Variants in NEGR1 observed in about 807,000 individuals in gnomAD.
The protein encoded by NEGR1 is neuronal growth regulator 1.
In NEGR1, 10 loss-of-function variants were observed where a neutral mutation model predicts 40.9. That is an observed-to-expected ratio of 0.24 (90% CI 0.15 to 0.42). NEGR1 has a LOEUF of 0.42. NEGR1 is among the 10% of genes least tolerant of loss of function. The probability of loss-of-function intolerance (pLI) is 1.00; values close to 1 mark genes in which losing one functional copy is unlikely to be tolerated. For synonymous variants in NEGR1, 185 were observed against 166.8 expected (o/e 1.11, Z -0.84); for missense variants, 352 against 438.9 (o/e 0.80, Z 1.77).
chr1:72,115,477 T>C (rs1649545873), intron 1 of NEGR1, among the ~76,000 whole-genome samples: 2 of 151,756 alleles, frequency 1.3e-5, no homozygotes, highest in Admixed American at 6.6e-5. Flanking sequence ...TCTGTAATCT[T>C]GTTAAGGCCA....
intron 1 of NEGR1, among the ~76,000 whole-genome samples, chr1:72,138,833 C>T (rs1283525771): frequency 1.3e-5 from 2 of 151,914 alleles, no homozygotes; most frequent in Admixed American, 1.3e-4. Flanking sequence ...ATGAAAAACT[C>T]TAACTCAACC....
intron 4 of NEGR1, among the ~76,000 whole-genome samples, chr1:71,665,371 AC>A (rs748161232): frequency 1.3e-5 from 2 of 152,154 alleles, no homozygotes; most frequent in Admixed American, 6.6e-5. Context: ...TATATGTTAA[AC>A]ATGGGGAAAT....
At chr1:71,977,660 C>A (rs1447789594) in intron 1 of NEGR1, among the ~76,000 whole-genome samples, 1 of 151,464 alleles carries the variant, frequency 6.6e-6, no homozygotes, top group East Asian at 1.9e-4. Flanking sequence ...GGAGAACACA[C>A]CAGCTTGCAT....
At chr1:72,179,219 T>C (rs1010324244) in intron 1 of NEGR1, among the ~76,000 whole-genome samples, 3 of 152,084 alleles carry the variant, frequency 2.0e-5, no homozygotes, top group African/African-American at 7.2e-5. Flanking sequence ...ATCCTGCATA[T>C]GGCTTAGTCA....
At chr1:72,012,992 A>G (rs560310085) in intron 1 of NEGR1, among the ~76,000 whole-genome samples, 39 of 151,812 alleles carry the variant, frequency 2.6e-4, no homozygotes, top group Middle Eastern at 3.4e-3. Context: ...AATAGGAGAT[A>G]TGGCATATAA....
At chr1:71,956,535 A>T (rs968190118) in intron 1 of NEGR1, among the ~76,000 whole-genome samples, 1 of 152,052 alleles carries the variant, frequency 6.6e-6, no homozygotes, top group Non-Finnish European at 1.5e-5. Context: ...AGAAATAAGT[A>T]ACCTGAGACA....
chr1:72,224,879 C>T (rs1654125229), intron 1 of NEGR1, among the ~76,000 whole-genome samples: 1 of 151,972 alleles, frequency 6.6e-6, no homozygotes, highest in African/African-American at 2.4e-5. Flanking sequence ...CAAAGATACG[C>T]ATAATTCTTA....
At chr1:71,955,182 G>C (rs1646109467) in intron 1 of NEGR1, among the ~76,000 whole-genome samples, 1 of 152,052 alleles carries the variant, frequency 6.6e-6, no homozygotes, top group Non-Finnish European at 1.5e-5. Context: ...GTGCTAGTAT[G>C]TTACACGGAG....
chr1:71,601,316 C>G (rs1649912396), intron 5 of NEGR1, among the ~76,000 whole-genome samples: 1 of 152,076 alleles, frequency 6.6e-6, no homozygotes, highest in South Asian at 2.1e-4. Context: ...GTCAAAAAAA[C>G]AACAGATGTT....
chr1:72,221,288 T>G (rs1328186814), intron 1 of NEGR1, among the ~76,000 whole-genome samples: 1 of 152,134 alleles, frequency 6.6e-6, no homozygotes, highest in Non-Finnish European at 1.5e-5. Context: ...CTTATCATAA[T>G]TTGATTACTG....
intron 2 of NEGR1, among the ~76,000 whole-genome samples, chr1:71,837,839 A>G (rs539925138): frequency 1.3e-5 from 2 of 152,242 alleles, no homozygotes; most frequent in Admixed American, 1.3e-4. Flanking sequence ...TAATTAGAAC[A>G]AATACTAAAA....
rs548487324 is a variant in NEGR1 at position 71,571,495 on chromosome 1, G to C, written c.940+21322C>G. ...GCAACAACAACAACATCACCAAAAA[G>C]TTTTCAAAATGTTGCTGGCAGCACT... On this transcript the variant is annotated intron_variant, in intron 6 of 6. Transcript: ENST00000357731. Among the ~76,000 whole-genome samples, 8 of 152,286 alleles carry C rather than the reference G, an allele frequency of 5.3e-5. No individual in the cohort carries two copies. The East Asian group carries it at 1.5e-3, about 29-fold the overall frequency.
intron 1 of NEGR1, among the ~76,000 whole-genome samples, chr1:72,244,491 A>G (rs1654842800): frequency 6.6e-6 from 1 of 151,974 alleles, no homozygotes; most frequent in Non-Finnish European, 1.5e-5. Context: ...GTATATATGT[A>G]TGTAAACACA....
chr1:71,682,504 G>C (rs1652872726), intron 4 of NEGR1, among the ~76,000 whole-genome samples: 1 of 152,032 alleles, frequency 6.6e-6, no homozygotes, highest in Non-Finnish European at 1.5e-5. Flanking sequence ...TATTTTTGAG[G>C]CCTAGGTTGA....
chr1:71,950,996 G>A (rs1646065751), intron 1 of NEGR1, among the ~76,000 whole-genome samples: 1 of 151,750 alleles, frequency 6.6e-6, no homozygotes, highest in Non-Finnish European at 1.5e-5. Context: ...GTGTCTTCAG[G>A]ATTTCAAGTC....
chr1:71,778,312 T>G (rs553276546), intron 2 of NEGR1, among the ~76,000 whole-genome samples: 1 of 152,206 alleles, frequency 6.6e-6, no homozygotes, highest in Non-Finnish European at 1.5e-5. Flanking sequence ...TGAGTACCCA[T>G]ACAACAATTA....
chr1:72,247,051 T>C (rs942142939), intron 1 of NEGR1, among the ~76,000 whole-genome samples: 4 of 152,182 alleles, frequency 2.6e-5, no homozygotes, highest in Non-Finnish European at 5.9e-5. Flanking sequence ...GGGAGCAGTG[T>C]CTCAAGGCTG....
At chr1:71,895,228 T>A (rs1660936773) in intron 2 of NEGR1, among the ~76,000 whole-genome samples, 1 of 152,188 alleles carries the variant, frequency 6.6e-6, no homozygotes, top group African/African-American at 2.4e-5. Context: ...TAGTGAGTGC[T>A]TACTATTTCC....
chr1:71,793,666 A>G (rs1657212407), intron 2 of NEGR1, among the ~76,000 whole-genome samples: 1 of 152,152 alleles, frequency 6.6e-6, no homozygotes, highest in Non-Finnish European at 1.5e-5. Flanking sequence ...TTTTAATTGC[A>G]ACATTGGATT....
Sources: gnomAD v4.1 joint callset for allele counts (sites outside exome capture counted in the v4.1 genomes callset) on GRCh38, gnomAD v4.1.1 for gene constraint, MANE v1.5 for transcripts, NCBI Gene and HGNC (gene_info 2026-07-23, HGNC 2026-07-21) for gene names.